SLC23A2: variants seen among roughly 807,000 people sequenced by gnomAD.
SLC23A2 encodes the protein Na(+)/L-ascorbic acid transporter 2.
Under a neutral mutation model 73.3 loss-of-function variants are expected in SLC23A2, and 36 were observed. The observed-to-expected ratio is 0.49, with a 90% CI of 0.38 to 0.65. The LOEUF (loss-of-function observed/expected upper bound fraction) is 0.65. Among genes scored for constraint, SLC23A2 ranks in the 30% least tolerant of loss-of-function variants. The probability of loss-of-function intolerance (pLI) is 0.00; values close to 1 mark genes in which losing one functional copy is unlikely to be tolerated. For missense variants in SLC23A2, 507 were observed against 841.6 expected (o/e 0.60, Z 4.92); for synonymous variants, 343 against 327.3 (o/e 1.05, Z -0.52).
At chr20:4,904,463 A>ACC (rs528483222) in intron 4 of SLC23A2, among the ~76,000 whole-genome samples, 3,649 of 80,518 alleles carry the variant, frequency 0.045, 45 homozygotes, top group Middle Eastern at 0.084. Context: ...GAAAAAAACA[A>ACC]ACAAAAAAAA....
At chr20:4,976,791 G>A (rs1299815056) in intron 1 of SLC23A2, among the ~76,000 whole-genome samples, 1 of 152,174 alleles carries the variant, frequency 6.6e-6, no homozygotes, top group East Asian at 1.9e-4. Context: ...GGCCAACATG[G>A]TGAAACCCTG....
chr20:4,867,769 C>T lies in SLC23A2; in HGVS notation c.1356+1G>A, dbSNP rs1568602403. The T allele has an allele frequency of 6.6e-7, 1 of 1,519,460 alleles. No individual in the cohort carries two copies. Among genetic ancestry groups the T allele is most frequent in the Non-Finnish European group, 9.1e-7 (1 of 1,095,472 alleles). 94.1% of individuals were successfully genotyped at this position (1,519,460 alleles called of 1,614,324 possible). On this transcript the variant is annotated splice_donor_variant, in intron 13 of 16. Coordinates refer to ENST00000338244, the MANE Select transcript of SLC23A2 (RefSeq NM_005116.6). LOFTEE classifies it high-confidence loss of function. ...TCATTTAATTAGAAAAATCTGTGTA[C>T]CTTTGTAATTCCCAAAACTCCAATG...
chr20:4,866,221 A>G (rs749035880), intron 13 of SLC23A2, among the ~76,000 whole-genome samples: 4 of 152,336 alleles, frequency 2.6e-5, no homozygotes, highest in Non-Finnish European at 4.4e-5. Context: ...GTCAGACTGC[A>G]TTGTTCAGAG....
Position 4,883,911 on chromosome 20 carries a change from T to C in SLC23A2, c.643-88A>G. The C allele has an allele frequency of 1.0e-6, 1 of 957,344 alleles. No individual in the cohort carries two copies. The highest frequency in any genetic ancestry group is 1.5e-6 in the Non-Finnish European group (1 of 651,186). 59.3% of individuals were successfully genotyped at this position (957,344 alleles called of 1,614,324 possible). A position where few individuals can be genotyped will look rare whatever the true frequency, so the allele number is the denominator to read the frequency against. ...CACCTACAACCACAACTGATAATTCTGCAAGGCAATAAGTTATTACATCAT... is the reference window on the plus strand; with the variant it reads ...CACCTACAACCACAACTGATAATTCCGCAAGGCAATAAGTTATTACATCAT... On this transcript the variant is annotated intron_variant, in intron 8 of 16. Coordinates refer to ENST00000338244, the MANE Select transcript of SLC23A2 (RefSeq NM_005116.6). The surrounding 1 kb of genome is among the most constrained non-coding windows in gnomAD (Gnocchi z 4.5).
upstream of SLC23A2, among the ~76,000 whole-genome samples, chr20:5,003,336 A>G (rs2088153667): frequency 6.6e-6 from 1 of 152,126 alleles, no homozygotes; most frequent in Non-Finnish European, 1.5e-5. Flanking sequence ...GTGAGCCGAG[A>G]TCGCGCCACC....
At chr20:4,917,947 G>A (rs1199054344) in intron 3 of SLC23A2, among the ~76,000 whole-genome samples, 5 of 151,844 alleles carry the variant, frequency 3.3e-5, no homozygotes, top group Non-Finnish European at 7.4e-5. Context: ...TTTTTCCTTT[G>A]GCTTATTAAA....
At chr20:4,887,209 G>A (rs1931137047) in intron 6 of SLC23A2, among the ~76,000 whole-genome samples, 1 of 152,194 alleles carries the variant, frequency 6.6e-6, no homozygotes, top group Non-Finnish European at 1.5e-5. Context: ...ACCTGCCAGA[G>A]GGGCCCAGAG....
intron 4 of SLC23A2, among the ~76,000 whole-genome samples, chr20:4,908,579 T>C (rs1395021694): frequency 6.6e-6 from 1 of 152,218 alleles, no homozygotes; most frequent in Non-Finnish European, 1.5e-5. Flanking sequence ...TGGGATTAAG[T>C]AATAAAATCA....
At chr20:4,891,822 C>T (rs1178198533) in intron 6 of SLC23A2, among the ~76,000 whole-genome samples, 1 of 152,228 alleles carries the variant, frequency 6.6e-6, no homozygotes, top group Admixed American at 6.5e-5. Context: ...CAAATCACAG[C>T]TCACTGTAGC....
intron 3 of SLC23A2, among the ~76,000 whole-genome samples, chr20:4,931,071 A>AG (rs1932784957): frequency 9.3e-6 from 1 of 107,768 alleles, no homozygotes; most frequent in Non-Finnish European, 1.9e-5. Context: ...TTTTTAAGAA[A>AG]AAAAAAAAAA....
intron 1 of SLC23A2, among the ~76,000 whole-genome samples, chr20:5,007,943 C>A (rs1484746790): frequency 1.3e-5 from 2 of 149,490 alleles, no homozygotes; most frequent in Admixed American, 1.3e-4. Flanking sequence ...GAGTTTTGCT[C>A]TTGTTGCCCA....
chr20:4,955,767 T>TAACA (rs897839696), intron 2 of SLC23A2, among the ~76,000 whole-genome samples: 12 of 152,096 alleles, frequency 7.9e-5, no homozygotes, highest in Non-Finnish European at 1.3e-4. Context: ...CCAGCCTGGG[T>TAACA]AACAATGTGA....
chr20:5,008,859 G>A lies in SLC23A2; in HGVS notation c.-282+1323C>T, dbSNP rs994528232. Among the ~76,000 whole-genome samples, 4 of 152,012 alleles carry A rather than the reference G, an allele frequency of 2.6e-5. No homozygotes were observed. In the East Asian group the frequency reaches 5.8e-4, roughly 22 times the overall value. ...TGGGATTGCAGACATGAGTCACCAC[G>A]CTCGGCCCTACCACCCTTGTCTTTG... On this transcript the variant is annotated intron_variant, in intron 1 of 16. Coordinates refer to the SLC23A2 transcript ENST00000379333.
intron 2 of SLC23A2, among the ~76,000 whole-genome samples, chr20:4,943,855 G>A (rs2087078983): frequency 6.6e-6 from 1 of 152,152 alleles, no homozygotes. Context: ...AAACCAGAGA[G>A]CGTCTGCTGA....
chr20:4,945,770 A>G (rs2087111291), intron 2 of SLC23A2, among the ~76,000 whole-genome samples: 1 of 152,166 alleles, frequency 6.6e-6, no homozygotes, highest in Non-Finnish European at 1.5e-5. Flanking sequence ...TCAGGGGAAA[A>G]GAGTCTGCAA....
chr20:4,892,682 C>T (rs1183723022), intron 6 of SLC23A2, among the ~76,000 whole-genome samples: 1 of 152,050 alleles, frequency 6.6e-6, no homozygotes, highest in African/African-American at 2.4e-5. Flanking sequence ...TGCCTCCAGC[C>T]CCATCTTCTG....
intron 2 of SLC23A2, among the ~76,000 whole-genome samples, chr20:4,937,412 A>T (rs901756508): frequency 7.2e-5 from 11 of 152,184 alleles, no homozygotes; most frequent in Non-Finnish European, 4.4e-5. Context: ...AATACATGAC[A>T]GTGGGGAAGG....
Position 4,899,463 on chromosome 20 carries a change from C to T in SLC23A2, c.482+92G>A. ...TCCCGTGCCTCCATTCTGTCCTTGC[C>T]AACAGCCCTAGGCAAACGGCGCAGC... On this transcript the variant is annotated intron_variant, in intron 6 of 16. Coordinates refer to ENST00000338244, the MANE Select transcript of SLC23A2 (RefSeq NM_005116.6). This position sits in a 1 kb window ranked among gnomAD's most constrained non-coding sequence, Gnocchi z 4.9. 1.3e-6 allele frequency: 2 copies of T among 1,484,368 alleles called. No individual in the cohort carries two copies. The highest frequency in any genetic ancestry group is 1.9e-6 in the Non-Finnish European group (2 of 1,072,652). 91.9% of individuals were successfully genotyped at this position (1,484,368 alleles called of 1,614,324 possible).
chr20:4,907,104 T>C (rs1329730365), intron 4 of SLC23A2, among the ~76,000 whole-genome samples: 1 of 152,132 alleles, frequency 6.6e-6, no homozygotes, highest in East Asian at 1.9e-4. Context: ...AGAATATAAA[T>C]TGGAAAGCCC....
Sources: allele counts gnomAD v4.1 joint callset (sites outside exome capture counted in the v4.1 genomes callset), GRCh38; gene constraint gnomAD v4.1.1; non-coding constraint Gnocchi (gnomAD v3.1); transcripts MANE v1.5; gene names NCBI Gene and HGNC (gene_info 2026-07-23, HGNC 2026-07-21).